The following IRX2 variants were observed in gnomAD, a reference collection of about 807,000 sequenced individuals.
IRX2 encodes the protein iroquois homeobox 2, also known as iroquois-class homeodomain protein IRX-2.
In IRX2, 26 loss-of-function variants were observed where a neutral mutation model predicts 42.9. The observed-to-expected ratio is 0.61, with a 90% CI of 0.44 to 0.84. The LOEUF is 0.84. IRX2 is among the 40% of genes least tolerant of loss of function. IRX2 has a pLI of 0.00. For missense variants in IRX2, 782 were observed against 713.9 expected, an observed-to-expected ratio of 1.10 and a Z score of -1.09; for synonymous variants, 424 against 353.9, an observed-to-expected ratio of 1.20 and a Z score of -2.22.
At position 2,751,509 on chromosome 5, in the gene IRX2, G is replaced by C. The variant is rs1737988242; in HGVS notation, c.-96C>G. 1.1e-6 allele frequency: 1 copy of C among 885,956 alleles called. No individual in the cohort carries two copies. The allele number at this position is 885,956 out of a possible 1,614,324, so 54.9% of individuals were successfully genotyped here. A position where few individuals can be genotyped will look rare whatever the true frequency, so the allele number is the denominator to read the frequency against. On this transcript the variant is annotated 5_prime_UTR_variant, in exon 1 of 4. Transcript: ENST00000302057. The surrounding 1 kb of genome is among the most constrained non-coding windows in gnomAD (Gnocchi z 4.0). ...CCCGGCCGGGGCGCGGCGCGGCGGC[G>C]GGCACCCGGACGGCCGGCGGAGGCA... is the stretch of plus-strand genomic sequence containing the variant.
chr5:2,736,792 G>A, the IRX2 span: 1 of 152,186 alleles, frequency 6.6e-6, no homozygotes, highest in Non-Finnish European at 1.5e-5. Context: ...TAGAATGCCA[G>A]ACGTACATAA....
intron 3 of IRX2, 31 bp from the exon 4 acceptor site, chr5:2,747,647 C>T (rs902095489): frequency 2.5e-6 from 4 of 1,610,982 alleles, no homozygotes; most frequent in Non-Finnish European, 3.4e-6. Context: ...TAGTCAGAAC[C>T]GACCCCACAG....
downstream of IRX2, among the ~76,000 whole-genome samples, chr5:2,745,081 G>A (rs906942486): frequency 2.0e-5 from 3 of 152,168 alleles, no homozygotes; most frequent in Admixed American, 6.5e-5. Flanking sequence ...TTGGCCTATC[G>A]GAGCTGGCAG....
At chr5:2,745,461 G>T (rs1737637719), downstream of IRX2, among the ~76,000 whole-genome samples, 1 of 152,132 alleles carries the variant, frequency 6.6e-6, no homozygotes, top group Non-Finnish European at 1.5e-5. Flanking sequence ...ACTAATCAAA[G>T]GGGATATGTT....
At chr5:2,747,743 C>G in intron 3 of IRX2, 127 bp from the exon 4 acceptor site, 2 of 873,854 alleles carry the variant, frequency 2.3e-6, no homozygotes, top group Non-Finnish European at 1.8e-6. Context: ...TCTCCAGGGC[C>G]GCTATCTGAG....
intron 3 of IRX2, 114 bp downstream of exon 3, chr5:2,748,231 G>C: frequency 1.0e-6 from 1 of 966,212 alleles, no homozygotes; most frequent in Non-Finnish European, 1.4e-6. Context: ...TGGGTCCCAG[G>C]AGTGGCCCCC....
rs903042197 is a variant in IRX2, at chr5:2,751,280, A to AACGCCGAGCCCG, written c.122_133dup (p.Ser41_Ala44dup). ...GGCCGCCGAGCCCGGGTAGGGGCTG[A>AACGCCGAGCCCG]ACGCCGAGCCCGACGCCGAGCGCGC... On this transcript the variant is annotated inframe_insertion, in exon 1 of 4. Transcript: ENST00000302057. The surrounding 1 kb of genome is among the most constrained non-coding windows in gnomAD (Gnocchi z 4.0). 1.4e-6 allele frequency: 2 copies of AACGCCGAGCCCG among 1,428,242 alleles called. No individual in the cohort carries two copies. Among genetic ancestry groups the AACGCCGAGCCCG allele is most frequent in the East Asian group, 3.2e-5 (1 of 31,120 alleles). 88.5% of individuals were successfully genotyped at this position (1,428,242 alleles called of 1,614,324 possible). A position where few individuals can be genotyped will look rare whatever the true frequency, so the allele number is the denominator to read the frequency against.
Position 2,751,532 on chromosome 5 carries a change from G to A in IRX2, c.-119C>T. 2 of 673,324 alleles carry A rather than the reference G, an allele frequency of 3.0e-6. No homozygotes were observed. The highest frequency in any genetic ancestry group is 3.6e-6 in the Non-Finnish European group (2 of 548,880). 41.7% of individuals were successfully genotyped at this position (673,324 alleles called of 1,614,324 possible). ...GCGGGCACCCGGACGGCCGGCGGAG[G>A]CAGGCCGGCCCGGGTACTAGCCTGG... On this transcript the variant is annotated 5_prime_UTR_variant, in exon 1 of 4. Coordinates refer to ENST00000302057, the MANE Select transcript of IRX2 (RefSeq NM_033267.5). The surrounding 1 kb of genome is among the most constrained non-coding windows in gnomAD (Gnocchi z 4.0).
chr5:2,735,800 G>C, the IRX2 span, among the ~76,000 whole-genome samples: 1 of 152,206 alleles, frequency 6.6e-6, no homozygotes, highest in Non-Finnish European at 1.5e-5. Flanking sequence ...GTGAACTGCT[G>C]ATAAGATGCT....
downstream of IRX2, among the ~76,000 whole-genome samples, chr5:2,742,574 A>T (rs567495687): frequency 1.3e-5 from 2 of 152,188 alleles, no homozygotes; most frequent in African/African-American, 4.8e-5. Flanking sequence ...TTAAAATGTT[A>T]TGTTTGTAAA....
At position 2,747,328 on chromosome 5, in the gene IRX2, T is replaced by C. The variant is rs1194583392; in HGVS notation, c.*236A>G. 2 of 378,240 alleles carry C rather than the reference T, an allele frequency of 5.3e-6. No homozygotes were observed. The highest frequency in any genetic ancestry group is 4.0e-5 in the African/African-American group (2 of 49,754). The allele number at this position is 378,240 out of a possible 1,614,324, so 23.4% of individuals were successfully genotyped here. A position where few individuals can be genotyped will look rare whatever the true frequency, so the allele number is the denominator to read the frequency against. On this transcript the variant is annotated 3_prime_UTR_variant, in exon 4 of 4. Transcript: ENST00000302057. ...ACACATATATATATATATTTTTTTT[T>C]TCCTTCCCTAGGTAAAGGAGTGATA...
downstream of IRX2, among the ~76,000 whole-genome samples, chr5:2,741,538 A>T (rs1232591733): frequency 3.3e-5 from 5 of 152,172 alleles, no homozygotes; most frequent in African/African-American, 7.2e-5. Context: ...TGAATTTATT[A>T]CTCAAGAGCA....
chr5:2,744,596 C>T (rs564041970), downstream of IRX2, among the ~76,000 whole-genome samples: 96 of 152,292 alleles, frequency 6.3e-4, 1 homozygote, highest in Middle Eastern at 0.014. Context: ...TTTTACCCTC[C>T]AGACCTCAGA....
At position 2,749,409 on chromosome 5, in the gene IRX2, C is replaced by G; in HGVS notation, c.628G>C (p.Gly210Arg). The change falls in exon 2 of 4, where the codon GGC becomes CGC. Residue 210 changes from glycine to arginine, a missense_variant. By Grantham distance (125) the Gly-to-Arg change is moderately radical (BLOSUM62 -2). Around this residue, in one of 3 missense-constraint regions of IRX2, gnomAD observed 520 missense variants for 437.8 expected, o/e 1.19. Transcript: ENST00000302057. ...TCGTCCTCTGCCGAGGTCTCCGTGC[C>G]CTCCTGCGCCTTGTCGGGACTCTCG... ...KDESPDKAQE[G>R]TETSAEDEGI... 1 of 1,613,090 alleles carries G rather than the reference C, an allele frequency of 6.2e-7. No individual in the cohort carries two copies. Among genetic ancestry groups the G allele is most frequent in the Non-Finnish European group, 8.5e-7 (1 of 1,179,670 alleles).
chr5:2,740,837 G>C, the IRX2 span, among the ~76,000 whole-genome samples: 1 of 152,192 alleles, frequency 6.6e-6, no homozygotes, highest in East Asian at 1.9e-4. Flanking sequence ...AGCGGCGACA[G>C]TGCACCGTCC....
At position 2,748,585 on chromosome 5, in the gene IRX2, A is replaced by T. The variant is rs1737779945; in HGVS notation, c.1123T>A (p.Ser375Thr). The change falls in exon 3 of 4, where the codon TCG becomes ACG. Residue 375 changes from serine to threonine, a missense_variant. By Grantham distance (58) the Ser-to-Thr change is moderately conservative. Coordinates refer to ENST00000302057, the MANE Select transcript of IRX2 (RefSeq NM_033267.5). The part of the protein sequence containing the change: ...APPGGSPYPA[S>T]PLLGRPLYYT... Reference sequence around the variant, plus strand: ...TAGAGGGGGCGGCCCAGCAGCGGCGAGGCAGGGTAGGGCGAGCCTCCTGGC... The same window carrying T: ...TAGAGGGGGCGGCCCAGCAGCGGCGTGGCAGGGTAGGGCGAGCCTCCTGGC... 6.4e-7 allele frequency: 1 copy of T among 1,556,114 alleles called. No homozygotes were observed. The highest frequency in any genetic ancestry group is 8.7e-7 in the Non-Finnish European group (1 of 1,154,446).
downstream of IRX2, among the ~76,000 whole-genome samples, chr5:2,745,282 G>A (rs139252991): frequency 1.1e-4 from 17 of 152,130 alleles, 1 homozygote; most frequent in East Asian, 3.1e-3. Context: ...TTGATTAAAG[G>A]GCAATCTAAG....
chr5:2,736,566 T>G, the IRX2 span: 1 of 152,256 alleles, frequency 6.6e-6, no homozygotes, highest in East Asian at 1.9e-4. Flanking sequence ...CAATTTTTGA[T>G]GAAGATATAT....
Position 2,751,476 on chromosome 5 carries a change from C to G in IRX2, c.-63G>C. The G allele has an allele frequency of 9.7e-7, 1 of 1,027,978 alleles. No homozygotes were observed. The highest frequency in any genetic ancestry group is 1.2e-6 in the Non-Finnish European group (1 of 856,438). 63.7% of individuals were successfully genotyped at this position (1,027,978 alleles called of 1,614,324 possible). ...AGCGGGCAGGGCGCGCGGCGCCCTC[C>G]ATCCACGCCCGGCCGGGGCGCGGCG... On this transcript the variant is annotated 5_prime_UTR_variant, in exon 1 of 4. An upstream start codon of the reference 5' UTR is lost. Coordinates refer to ENST00000302057, the MANE Select transcript of IRX2 (RefSeq NM_033267.5). This position sits in a 1 kb window ranked among gnomAD's most constrained non-coding sequence, Gnocchi z 4.0.
Sources: gnomAD v4.1 joint callset for allele counts (sites outside exome capture counted in the v4.1 genomes callset) on GRCh38, gnomAD v4.1.1 for gene constraint, gnomAD v4.1.1 regional missense constraint, Gnocchi (gnomAD v3.1) non-coding constraint, MANE v1.5 for transcripts, NCBI Gene and HGNC (gene_info 2026-07-23, HGNC 2026-07-21) for gene names.